The following UHRF2 variants were observed in gnomAD, a reference collection of about 807,000 sequenced individuals.
UHRF2 encodes ubiquitin like with PHD and ring finger domains 2.
Under a neutral mutation model 96.8 loss-of-function variants are expected in UHRF2, and 23 were observed. The ratio of observed to expected loss-of-function variants is 0.24; its 90% CI spans 0.17 to 0.34. UHRF2 has a LOEUF of 0.34. Among genes scored for constraint, UHRF2 ranks in the 10% least tolerant of loss-of-function variants. The pLI is 1.00. For missense variants in UHRF2, 685 were observed against 981.5 expected (o/e 0.70, Z 4.04); for synonymous variants, 385 against 332.6 (o/e 1.16, Z -1.72).
chr9:6,486,594 G>A (rs959533209), intron 8 of UHRF2, among the ~76,000 whole-genome samples: 3 of 151,628 alleles, frequency 2.0e-5, no homozygotes, highest in African/African-American at 7.3e-5. Context: ...AGAACCTAAA[G>A]GATATGTTTG....
intron 2 of UHRF2, among the ~76,000 whole-genome samples, chr9:6,432,581 A>AT (rs1158311294): frequency 6.6e-6 from 1 of 152,208 alleles, no homozygotes; most frequent in Admixed American, 6.5e-5. Flanking sequence ...ATTTTGTAAA[A>AT]TAGGAATTAA....
chr9:6,469,681 T>TGTATATATACACGTATATAC (rs1554630024), intron 4 of UHRF2, among the ~76,000 whole-genome samples: 1 of 87,648 alleles, frequency 1.1e-5, no homozygotes, highest in Admixed American at 1.1e-4. Flanking sequence ...TGTGTGTATG[T>TGTATATATACACGTATATAC]ATATATATAC....
chr9:6,462,324 T>A (rs868401731), intron 4 of UHRF2, among the ~76,000 whole-genome samples: 112 of 141,516 alleles, frequency 7.9e-4, no homozygotes, highest in African/African-American at 1.8e-3. Flanking sequence ...TCCTGAGATT[T>A]AAAAAAAAAA....
chr9:6,417,254 T>C (rs534284161), intron 1 of UHRF2, among the ~76,000 whole-genome samples: 2 of 152,150 alleles, frequency 1.3e-5, no homozygotes, highest in African/African-American at 2.4e-5. Context: ...TTCAACTCAG[T>C]AAAATTTCAA....
intron 3 of UHRF2, among the ~76,000 whole-genome samples, chr9:6,453,613 C>T (rs1027934619): frequency 2.6e-5 from 4 of 151,970 alleles, no homozygotes; most frequent in African/African-American, 9.7e-5. Flanking sequence ...GTATAAATAC[C>T]AGATGTTGGG....
Position 6,461,998 on chromosome 9 carries a change from A to T in UHRF2, c.863+1207A>T, listed in dbSNP as rs549545199. Among the ~76,000 whole-genome samples, 1,186 of 131,444 alleles carry T rather than the reference A, an allele frequency of 9.0e-3. 16 individuals carry two copies. Among genetic ancestry groups the T allele is most frequent in the African/African-American group, 0.028 (974 of 34,832 alleles). 86.2% of individuals were successfully genotyped at this position (131,444 alleles called of 152,430 possible). On this transcript the variant is annotated intron_variant, in intron 4 of 15. Coordinates refer to ENST00000276893, the MANE Select transcript of UHRF2 (RefSeq NM_152896.3). ...AATAACCCTGACAATTTTTGTTTTT[A>T]AAAAAAAAAAAATAAGAGAAACAGC...
chr9:6,420,806 A>G, intron 1 of UHRF2, 106 bp from the exon 2 acceptor site: 1 of 838,436 alleles, frequency 1.2e-6, no homozygotes, highest in African/African-American at 1.7e-5. Context: ...AAATCTCTAA[A>G]CTGTAGTGCT....
intron 2 of UHRF2, among the ~76,000 whole-genome samples, chr9:6,423,694 C>T (rs1039274117): frequency 1.3e-5 from 2 of 150,584 alleles, no homozygotes. Context: ...ACCTGTAATC[C>T]CAACACTTTG....
chr9:6,435,333 C>G (rs1233226256), intron 3 of UHRF2, among the ~76,000 whole-genome samples: 1 of 151,822 alleles, frequency 6.6e-6, no homozygotes, highest in Non-Finnish European at 1.5e-5. Flanking sequence ...ACTATATTGT[C>G]CAGGCTGGTG....
At chr9:6,471,736 C>G (rs1195589636) in intron 4 of UHRF2, among the ~76,000 whole-genome samples, 1 of 152,172 alleles carries the variant, frequency 6.6e-6, no homozygotes, top group Non-Finnish European at 1.5e-5. Flanking sequence ...TGAGTAAGTA[C>G]AAGCAGTTTG....
In UHRF2 at chr9:6,446,358, G is replaced by A. The variant is rs952982231; in HGVS notation, c.644+12185G>A. Among the ~76,000 whole-genome samples the A allele has an allele frequency of 2.6e-5, 4 of 151,630 alleles. 1 individual carries two copies. The highest frequency in any genetic ancestry group is 6.6e-5 in the Admixed American group (1 of 15,246). Reference sequence around the variant, plus strand: ...GGGTTTTAGCATGTTGGCCAGGCTGGTCTCGAACTCATGGCCTCAAGTGAT... The same window carrying A: ...GGGTTTTAGCATGTTGGCCAGGCTGATCTCGAACTCATGGCCTCAAGTGAT... On this transcript the variant is annotated intron_variant, in intron 3 of 15. Transcript: ENST00000276893.
intron 6 of UHRF2, among the ~76,000 whole-genome samples, chr9:6,478,891 G>A (rs918347015): frequency 2.0e-5 from 3 of 151,976 alleles, no homozygotes; most frequent in Non-Finnish European, 4.4e-5. Flanking sequence ...TTTTACCATC[G>A]CTAATAACTA....
At chr9:6,474,511 G>T (rs1381108272) in intron 4 of UHRF2, among the ~76,000 whole-genome samples, 5 of 152,120 alleles carry the variant, frequency 3.3e-5, no homozygotes, top group African/African-American at 1.2e-4. Context: ...TTCGAGACGA[G>T]CCCAGCCAAC....
At chr9:6,494,403 A>G (rs895028246) in intron 10 of UHRF2, 1 of 153,070 alleles carries the variant, frequency 6.5e-6, no homozygotes, top group Non-Finnish European at 1.5e-5. Flanking sequence ...TGCTAATCAG[A>G]TATCTTCTAA....
chr9:6,469,717 T>TATATACACAC (rs1563782966), intron 4 of UHRF2, among the ~76,000 whole-genome samples: 5 of 149,576 alleles, frequency 3.3e-5, no homozygotes, highest in African/African-American at 1.2e-4. Context: ...TATACACACA[T>TATATACACAC]ATATGTGCAT....
At chr9:6,500,757 A>G (rs1816246948) in intron 14 of UHRF2, 48 bp downstream of exon 14, 1 of 1,525,384 alleles carries the variant, frequency 6.6e-7, no homozygotes, top group African/African-American at 1.4e-5. Context: ...TTAACAAATG[A>G]TAAATAATTG....
chr9:6,454,038 A>G (rs1228058945), intron 3 of UHRF2, among the ~76,000 whole-genome samples: 3 of 152,140 alleles, frequency 2.0e-5, no homozygotes, highest in Non-Finnish European at 2.9e-5. Flanking sequence ...CTTTACCCCC[A>G]TTATGTACTG....
chr9:6,420,245 C>T (rs1250659907), intron 1 of UHRF2, among the ~76,000 whole-genome samples: 5 of 151,678 alleles, frequency 3.3e-5, no homozygotes, highest in Admixed American at 1.3e-4. Context: ...CTAGTAGAGA[C>T]GGGGTTTCAC....
chr9:6,451,088 G>C (rs7027361), intron 3 of UHRF2, among the ~76,000 whole-genome samples: 1 of 151,978 alleles, frequency 6.6e-6, no homozygotes, highest in Non-Finnish European at 1.5e-5. Flanking sequence ...ACAGTTCCTA[G>C]TGATATCACT....
Sources: gnomAD v4.1 joint callset for allele counts (sites outside exome capture counted in the v4.1 genomes callset) on GRCh38, gnomAD v4.1.1 for gene constraint, MANE v1.5 for transcripts, NCBI Gene and HGNC (gene_info 2026-07-23, HGNC 2026-07-21) for gene names.